The following TRIM36 variants were observed in gnomAD, a reference collection of about 807,000 sequenced individuals.
TRIM36 encodes tripartite motif containing 36, also known as E3 ubiquitin-protein ligase TRIM36.
In TRIM36, 42 loss-of-function variants were observed where a neutral mutation model predicts 72.4. The observed-to-expected ratio is 0.58, with a 90% CI of 0.45 to 0.75. The LOEUF (loss-of-function observed/expected upper bound fraction) is 0.75. Ranked by LOEUF, TRIM36 falls within the 30% of genes least tolerant of loss-of-function variation. The pLI, the probability that TRIM36 is intolerant of heterozygous loss-of-function variation, is 0.00. For synonymous variants in TRIM36, 315 were observed against 282.8 expected, an observed-to-expected ratio of 1.11 and a Z score of -1.14; for missense variants, 913 against 857.1, an observed-to-expected ratio of 1.07 and a Z score of -0.81.
At chr5:115,179,922 G>A (rs1313609820) in intron 1 of TRIM36, 5 of 1,536,476 alleles carry the variant, frequency 3.3e-6, no homozygotes, top group Admixed American at 3.5e-5. Context: ...GGCGGGCCAG[G>A]TAGTGCCGGA....
chr5:115,150,772 G>A (rs746338201), intron 2 of TRIM36, among the ~76,000 whole-genome samples: 3 of 152,198 alleles, frequency 2.0e-5, no homozygotes, highest in Admixed American at 6.5e-5. Context: ...CACCTCCACT[G>A]GGGAAACTGA....
At chr5:115,179,759 C>A (rs568453217) in intron 1 of TRIM36, among the ~76,000 whole-genome samples, 1 of 152,386 alleles carries the variant, frequency 6.6e-6, no homozygotes, top group East Asian at 1.9e-4. Flanking sequence ...TCCGAAAGTC[C>A]CCTCTTGGCT....
At position 115,169,882 on chromosome 5, in the gene TRIM36, G is replaced by A; in HGVS notation, c.-248C>T. The A allele has an allele frequency of 7.7e-7, 1 of 1,304,346 alleles. No individual in the cohort carries two copies. The highest frequency in any genetic ancestry group is 2.1e-5 in the South Asian group (1 of 46,692). The allele number at this position is 1,304,346 out of a possible 1,614,324, so 80.8% of individuals were successfully genotyped here. ...CCCCGGGAATCCCGCCCAGCTGCCGGCTGCAGCAGCGGCTCCTGCGGACTG... is the reference window on the plus strand; with the variant it reads ...CCCCGGGAATCCCGCCCAGCTGCCGACTGCAGCAGCGGCTCCTGCGGACTG... On this transcript the variant is annotated 5_prime_UTR_variant, in exon 1 of 10. Coordinates refer to ENST00000513154, the MANE Select transcript of TRIM36 (RefSeq NM_001300759.2).
At position 115,163,526 on chromosome 5, in the gene TRIM36, T is replaced by C; in HGVS notation, c.254A>G (p.Asn85Ser). ...SPSMDKIDRI[N>S]RPGWKRNSLT... Reference sequence around the variant, plus strand: ...ACAGTTCTAACACATACCTGGTCTGTTAATTCGGTCAATTTTATCCATACT... The same window carrying C: ...ACAGTTCTAACACATACCTGGTCTGCTAATTCGGTCAATTTTATCCATACT... Residue 85 changes from asparagine to serine, a missense_variant, in exon 2 of 10, where the codon AAC becomes AGC. Asn to Ser is a conservative substitution (Grantham distance 46). Coordinates refer to ENST00000513154, the MANE Select transcript of TRIM36 (RefSeq NM_001300759.2). 1 of 1,614,106 alleles carries C rather than the reference T, an allele frequency of 6.2e-7. No individual in the cohort carries two copies. Among genetic ancestry groups the C allele is most frequent in the Non-Finnish European group, 8.5e-7 (1 of 1,179,952 alleles).
chr5:115,150,941 G>A (rs891968023), intron 2 of TRIM36, among the ~76,000 whole-genome samples: 1 of 152,218 alleles, frequency 6.6e-6, no homozygotes, highest in Non-Finnish European at 1.5e-5. Flanking sequence ...TCCTTCCGGA[G>A]AACGGCCAGA....
chr5:115,163,571 C>T lies in TRIM36; in HGVS notation c.209G>A (p.Arg70Gln), dbSNP rs957625882. ...GSDNSNQSSPRLRLPSPSMDK... is the reference protein window; with the variant it reads ...GSDNSNQSSPQLRLPSPSMDK... ...CATACTAGGGGAGGGGAGCCGAAGT[C>T]GAGGACTGCTTTGATTGGAGTTGTC... The change falls in exon 2 of 10, where the codon CGA becomes CAA. Residue 70 changes from arginine (R) to glutamine (Q), a missense_variant. Arg to Gln is a conservative substitution (Grantham distance 43). Transcript: ENST00000513154. 7 of 1,614,132 alleles carry T rather than the reference C, an allele frequency of 4.3e-6. No individual in the cohort carries two copies. Among genetic ancestry groups the T allele is most frequent in the Middle Eastern group, 1.6e-4 (1 of 6,062 alleles).
chr5:115,147,404 T>C lies in TRIM36; in HGVS notation c.263-10A>G. ...GAATTGCGCTTCCAGCCTGTGTAAT[T>C]AGTAAGTCTTTGTTTAGTTATAGCA... On this transcript the variant is annotated splice_polypyrimidine_tract_variant and intron_variant, in intron 2 of 9. Coordinates refer to ENST00000513154, the MANE Select transcript of TRIM36 (RefSeq NM_001300759.2). 1.2e-6 allele frequency: 2 copies of C among 1,605,512 alleles called. No homozygotes were observed. The highest frequency in any genetic ancestry group is 1.7e-6 in the Non-Finnish European group (2 of 1,173,080).
At chr5:115,142,510 GAGA>G (rs978047692) in intron 4 of TRIM36, among the ~76,000 whole-genome samples, 4 of 152,202 alleles carry the variant, frequency 2.6e-5, no homozygotes, top group African/African-American at 7.2e-5. Flanking sequence ...GTAAGGACCA[GAGA>G]AGAATAGATG....
intron 2 of TRIM36, among the ~76,000 whole-genome samples, chr5:115,153,000 A>G (rs542689196): frequency 4.1e-4 from 63 of 152,310 alleles, no homozygotes; most frequent in Middle Eastern, 3.4e-3. Context: ...CACAGGCAAA[A>G]AAATAGCACA....
intron 2 of TRIM36, among the ~76,000 whole-genome samples, chr5:115,154,309 T>A (rs977287377): frequency 6.8e-6 from 1 of 147,396 alleles, no homozygotes; most frequent in African/African-American, 2.5e-5. Flanking sequence ...AACCCAAACC[T>A]AGCAGAAGAA....
At chr5:115,151,470 A>G (rs1753892083) in intron 2 of TRIM36, among the ~76,000 whole-genome samples, 1 of 152,126 alleles carries the variant, frequency 6.6e-6, no homozygotes, top group South Asian at 2.1e-4. Flanking sequence ...GACAAAGGGC[A>G]TATAATCTTG....
intron 5 of TRIM36, among the ~76,000 whole-genome samples, chr5:115,140,777 C>T (rs945954637): frequency 6.6e-6 from 1 of 152,106 alleles, no homozygotes; most frequent in Non-Finnish European, 1.5e-5. Context: ...TGTTAATGGG[C>T]ATGTGGGTAG....
chr5:115,147,427 G>T, intron 2 of TRIM36, 33 bp from the exon 3 acceptor site: 1 of 1,583,572 alleles, frequency 6.3e-7, no homozygotes, highest in Non-Finnish European at 8.6e-7. Context: ...TTTAGTTATA[G>T]CAGTAGGAAA....
At position 115,126,608 on chromosome 5, in the gene TRIM36, G is replaced by A; in HGVS notation, c.2046C>T (p.Asp682=). The A allele has an allele frequency of 6.2e-7, 1 of 1,614,164 alleles. No individual in the cohort carries two copies. Among genetic ancestry groups the A allele is most frequent in the South Asian group, 1.1e-5 (1 of 91,082 alleles). The change falls in exon 10 of 10, where the codon GAC becomes GAT. Residue 682 remains aspartate (D), a synonymous_variant. Coordinates refer to ENST00000513154, the MANE Select transcript of TRIM36 (RefSeq NM_001300759.2). ...ATGCTGGATACAGTGTATGTGAACAGTCCACTTGGCGTTCATAAAGGCATT... is the reference window on the plus strand; with the variant it reads ...ATGCTGGATACAGTGTATGTGAACAATCCACTTGGCGTTCATAAAGGCATT... The part of the protein sequence containing the change: ...QMKCLYERQV[D]CSHTLYPAFA...
chr5:115,141,797 C>T (rs1580659491), intron 4 of TRIM36, among the ~76,000 whole-genome samples: 3 of 152,108 alleles, frequency 2.0e-5, no homozygotes, highest in African/African-American at 7.2e-5. Flanking sequence ...CACACCTATA[C>T]ACAATAGGAG....
At chr5:115,141,202 G>A in intron 5 of TRIM36, 77 bp downstream of exon 5, 6 of 1,108,594 alleles carry the variant, frequency 5.4e-6, no homozygotes, top group Non-Finnish European at 7.8e-6. Flanking sequence ...AATACTCTCA[G>A]GATTTTATGA....
At chr5:115,143,596 A>G (rs1289713333) in intron 4 of TRIM36, among the ~76,000 whole-genome samples, 3 of 152,196 alleles carry the variant, frequency 2.0e-5, no homozygotes, top group Non-Finnish European at 4.4e-5. Context: ...ATGTGCAGAG[A>G]AGGTAGAGCA....
At chr5:115,168,712 C>T (rs1027524743) in intron 1 of TRIM36, among the ~76,000 whole-genome samples, 5 of 152,172 alleles carry the variant, frequency 3.3e-5, no homozygotes, top group Non-Finnish European at 7.3e-5. Context: ...ATAACTAAAC[C>T]TCACAATTCA....
chr5:115,130,542 A>C (rs1455326950), intron 9 of TRIM36, 50 bp downstream of exon 9: 1 of 1,538,394 alleles, frequency 6.5e-7, no homozygotes, highest in Non-Finnish European at 8.8e-7. Flanking sequence ...ATCTATTTTC[A>C]GGCTTACTTT....
Sources: gnomAD v4.1 joint callset for allele counts (sites outside exome capture counted in the v4.1 genomes callset) on GRCh38, gnomAD v4.1.1 for gene constraint, MANE v1.5 for transcripts, NCBI Gene and HGNC (gene_info 2026-07-23, HGNC 2026-07-21) for gene names.